Variants in SDK2 observed in about 807,000 individuals in gnomAD.
The protein encoded by SDK2 is protein sidekick-2.
A neutral mutation model predicts 253.9 loss-of-function variants in SDK2; 105 were observed. The ratio of observed to expected loss-of-function variants is 0.41; its 90% confidence interval spans 0.35 to 0.49. The LOEUF (loss-of-function observed/expected upper bound fraction) is 0.49, where lower values mean the gene tolerates loss of function less well. SDK2 is among the 20% of genes least tolerant of loss of function. The pLI is 0.06. For missense variants in SDK2, 2,608 were observed against 3,003.0 expected (o/e 0.87, Z 3.07); for synonymous variants, 1,249 against 1,234.9 (o/e 1.01, Z -0.24).
intron 27 of SDK2, among the ~76,000 whole-genome samples, chr17:73,392,272 CT>C (rs35908922): frequency 0.29 from 40,367 of 140,744 alleles, 5,969 homozygotes; most frequent in East Asian, 0.51. Context: ...GATTTCCAAA[CT>C]TTTTTTTTTT....
chr17:73,561,769 C>T (rs2045238893), intron 1 of SDK2, among the ~76,000 whole-genome samples: 5 of 152,098 alleles, frequency 3.3e-5, no homozygotes, highest in Non-Finnish European at 2.9e-5. Flanking sequence ...TGAAGGGAGC[C>T]GAATGAGGGA....
intron 36 of SDK2, among the ~76,000 whole-genome samples, chr17:73,371,581 A>G (rs1164812604): frequency 2.6e-5 from 4 of 152,158 alleles, no homozygotes; most frequent in African/African-American, 7.2e-5. Flanking sequence ...AAGAGAGCAG[A>G]GGAATCGGAG....
chr17:73,505,708 G>A (rs2063929897), intron 2 of SDK2, among the ~76,000 whole-genome samples: 1 of 140,844 alleles, frequency 7.1e-6, no homozygotes, highest in Admixed American at 7.2e-5. Context: ...ATCATCAATA[G>A]CTGGACCTCA....
intron 1 of SDK2, among the ~76,000 whole-genome samples, chr17:73,548,636 G>C (rs577247207): frequency 6.6e-6 from 1 of 152,346 alleles, no homozygotes; most frequent in South Asian, 2.1e-4. Context: ...TTGATGCCCA[G>C]AGGGCAGTGT....
chr17:73,370,443 A>G (rs772059138), intron 36 of SDK2, among the ~76,000 whole-genome samples: 2 of 151,856 alleles, frequency 1.3e-5, no homozygotes, highest in Non-Finnish European at 2.9e-5. Flanking sequence ...GGGTCTTGCC[A>G]TGTTTCCCAG....
intron 30 of SDK2, 49 bp downstream of exon 30, chr17:73,387,787 C>T (rs1250584281): frequency 6.8e-7 from 1 of 1,476,424 alleles, no homozygotes; most frequent in Admixed American, 2.1e-5. Flanking sequence ...ACCGCTGGTC[C>T]CGGCGGGGAG....
At chr17:73,389,164 A>C (rs1361718926) in intron 29 of SDK2, among the ~76,000 whole-genome samples, 2 of 142,118 alleles carry the variant, frequency 1.4e-5, no homozygotes, top group Admixed American at 7.2e-5. Flanking sequence ...ACACCACCAC[A>C]CCTGGCTGAT....
chr17:73,354,074 C>T (rs1031450384), intron 40 of SDK2, among the ~76,000 whole-genome samples: 5 of 152,104 alleles, frequency 3.3e-5, no homozygotes, highest in African/African-American at 1.2e-4. Flanking sequence ...TAGGGTCTCG[C>T]TCGGTTGCCA....
chr17:73,400,971 C>T (rs978361328), intron 21 of SDK2, 49 bp downstream of exon 21: 45 of 1,508,532 alleles, frequency 3.0e-5, no homozygotes, highest in South Asian at 1.6e-4. Context: ...TTGAATGGGA[C>T]GCTGCTCAGG....
At chr17:73,539,136 G>A (rs2044825686) in intron 1 of SDK2, among the ~76,000 whole-genome samples, 1 of 152,164 alleles carries the variant, frequency 6.6e-6, no homozygotes, top group Non-Finnish European at 1.5e-5. Context: ...CATCCCCAAA[G>A]AGAAGAGGAA....
chr17:73,534,462 T>C lies in SDK2; in HGVS notation c.65-26865A>G, dbSNP rs12952756. Among the ~76,000 whole-genome samples the C allele has an allele frequency of 0.38, 57,897 of 151,446 alleles. 11,617 individuals are homozygous for C. The highest frequency in any genetic ancestry group is 0.46 in the South Asian group (2,170 of 4,764). ...TGACCTCTGAGAGGCCTGGGGGCTA[T>C]GTGGGGGAAGGTTCAGGGACAGTGT... is the stretch of plus-strand genomic sequence containing the variant. On this transcript the variant is annotated intron_variant, in intron 1 of 44. Transcript: ENST00000392650. This position sits in a 1 kb window ranked among gnomAD's most constrained non-coding sequence, Gnocchi z 4.9.
chr17:73,491,557 G>A (rs1435748164), intron 2 of SDK2, among the ~76,000 whole-genome samples: 2 of 152,114 alleles, frequency 1.3e-5, no homozygotes, highest in Non-Finnish European at 2.9e-5. Context: ...ATTTTTAGTA[G>A]AGACGAGGTC....
intron 2 of SDK2, among the ~76,000 whole-genome samples, chr17:73,479,370 C>A (rs974930731): frequency 1.3e-5 from 2 of 152,200 alleles, no homozygotes; most frequent in African/African-American, 4.8e-5. Flanking sequence ...TCCTCAGACA[C>A]CTGTGAGCAC....
intron 1 of SDK2, among the ~76,000 whole-genome samples, chr17:73,548,379 T>TC (rs540196499): frequency 9.7e-4 from 148 of 152,254 alleles, no homozygotes; most frequent in African/African-American, 3.4e-3. Context: ...CTCTTCCCTA[T>TC]CCCCCCTGCC....
intron 2 of SDK2, among the ~76,000 whole-genome samples, chr17:73,504,036 C>CTGCCGAGGTTCT (rs2063910976): frequency 1.3e-5 from 2 of 151,742 alleles, no homozygotes; most frequent in Admixed American, 1.3e-4. Flanking sequence ...CCTGAGGTTC[C>CTGCCGAGGTTCT]AGGAACTGCC....
rs2063534359 is a variant in SDK2, at chr17:73,457,279, CTT to C, written c.332-1228_332-1227del. Among the ~76,000 whole-genome samples the C allele has an allele frequency of 1.2e-3, 63 of 50,492 alleles. 6 individuals carry two copies. In the East Asian group the frequency reaches 0.028, roughly 22 times the overall value. 33.1% of individuals were successfully genotyped at this position (50,492 alleles called of 152,430 possible). A position where few individuals can be genotyped will look rare whatever the true frequency, so the allele number is the denominator to read the frequency against. ...CCTTCCTTCCTTCCTTCCTTCCTTC[CTT>C]CCTTCCCCCCTCCCTCCCTCCCCCT... On this transcript the variant is annotated intron_variant, in intron 3 of 44. Transcript: ENST00000392650.
At chr17:73,380,769 G>A (rs1435637749) in intron 34 of SDK2, 125 bp downstream of exon 34, 43 of 828,128 alleles carry the variant, frequency 5.2e-5, no homozygotes, top group South Asian at 2.0e-4. Context: ...GGGTAGTCCC[G>A]TTTCTTAAGC....
chr17:73,456,497 T>C (rs1014091662), intron 3 of SDK2, among the ~76,000 whole-genome samples: 4 of 152,134 alleles, frequency 2.6e-5, no homozygotes, highest in Admixed American at 2.6e-4. Context: ...TGGCGGGGGT[T>C]CCTGTGTGAG....
At chr17:73,458,420 T>C (rs2063542526) in intron 3 of SDK2, among the ~76,000 whole-genome samples, 1 of 152,222 alleles carries the variant, frequency 6.6e-6, no homozygotes, top group Non-Finnish European at 1.5e-5. Context: ...GAGTACCTGA[T>C]TCACTCTCTT....
Sources: gnomAD v4.1 joint callset for allele counts (sites outside exome capture counted in the v4.1 genomes callset) on GRCh38, gnomAD v4.1.1 for gene constraint, Gnocchi (gnomAD v3.1) non-coding constraint, MANE v1.5 for transcripts, NCBI Gene and HGNC (gene_info 2026-07-23, HGNC 2026-07-21) for gene names.